OLFM3: variants seen among roughly 807,000 people sequenced by gnomAD.
OLFM3 encodes the protein olfactomedin 3.
In OLFM3, 20 loss-of-function variants were observed where a neutral mutation model predicts 48.6. The observed-to-expected ratio is 0.41, with a 90% CI of 0.29 to 0.60. The LOEUF (loss-of-function observed/expected upper bound fraction) is 0.60, where lower values mean the gene tolerates loss of function less well. Ranked by LOEUF, OLFM3 falls within the 20% of genes least tolerant of loss-of-function variation. The pLI is 0.28. For missense variants in OLFM3, 437 were observed against 544.3 expected, an observed-to-expected ratio of 0.80 and a Z score of 1.96; for synonymous variants, 222 against 198.1, an observed-to-expected ratio of 1.12 and a Z score of -1.01.
At chr1:101,811,494 AAAAC>A (rs1654047820) in intron 4 of OLFM3, among the ~76,000 whole-genome samples, 2 of 152,190 alleles carry the variant, frequency 1.3e-5, no homozygotes, top group African/African-American at 2.4e-5. Context: ...TTTACAAGAA[AAAAC>A]AAACAACCCG....
intron 2 of OLFM3, among the ~76,000 whole-genome samples, chr1:101,833,670 G>A (rs1655270761): frequency 6.6e-6 from 1 of 151,742 alleles, no homozygotes; most frequent in Non-Finnish European, 1.5e-5. Flanking sequence ...GATATCTGGG[G>A]CTTTTCTGGA....
At chr1:101,851,139 T>TG (rs1020775924) in intron 1 of OLFM3, among the ~76,000 whole-genome samples, 1 of 152,120 alleles carries the variant, frequency 6.6e-6, no homozygotes, top group African/African-American at 2.4e-5. Flanking sequence ...ATACCCTGGA[T>TG]GGGGTGTGGT....
intron 1 of OLFM3, among the ~76,000 whole-genome samples, chr1:101,867,778 G>A (rs369797739): frequency 6.6e-6 from 1 of 152,280 alleles, no homozygotes; most frequent in African/African-American, 2.4e-5. Context: ...GTCAGCATGA[G>A]GGTTATGCTA....
chr1:101,892,206 C>G (rs1310030827), intron 1 of OLFM3, among the ~76,000 whole-genome samples: 2 of 151,802 alleles, frequency 1.3e-5, no homozygotes, highest in African/African-American at 2.4e-5. Flanking sequence ...GTGTGCCAAG[C>G]AAGAGATGTA....
chr1:101,949,838 G>C (rs572483634), intron 1 of OLFM3, among the ~76,000 whole-genome samples: 2 of 151,164 alleles, frequency 1.3e-5, no homozygotes, highest in South Asian at 4.2e-4. Flanking sequence ...GCTGAGGCAC[G>C]AGAATGGCGT....
intron 1 of OLFM3, among the ~76,000 whole-genome samples, chr1:101,941,159 G>A (rs1368345699): frequency 6.6e-6 from 1 of 152,150 alleles, no homozygotes; most frequent in Non-Finnish European, 1.5e-5. Flanking sequence ...AGGTCCCCAA[G>A]GTTTGACGGA....
chr1:101,849,702 A>G (rs774198724), intron 1 of OLFM3, among the ~76,000 whole-genome samples: 3 of 152,194 alleles, frequency 2.0e-5, no homozygotes, highest in Non-Finnish European at 4.4e-5. Flanking sequence ...ATAAACTGTC[A>G]GTGAGGTTCA....
intron 1 of OLFM3, among the ~76,000 whole-genome samples, chr1:101,973,108 T>A (rs1660854264): frequency 6.6e-6 from 1 of 152,234 alleles, no homozygotes; most frequent in African/African-American, 2.4e-5. Flanking sequence ...AACCAATAGG[T>A]ATATATAGAT....
In OLFM3 at chr1:101,843,940, T is replaced by C. The variant is rs555815582; in HGVS notation, c.70-6915A>G. Among the ~76,000 whole-genome samples, 5 of 152,208 alleles carry C rather than the reference T, an allele frequency of 3.3e-5. No homozygotes were observed. The South Asian group carries it at 1.0e-3, about 32-fold the overall frequency. On this transcript the variant is annotated intron_variant, in intron 1 of 5. Transcript: ENST00000370103. ...CCTGCGTGTGCGTGTGCGTGTGGTA[T>C]ATTGCAAACTCATCCCATTCATACT... is the stretch of plus-strand genomic sequence containing the variant.
chr1:101,870,342 G>C (rs530077374), intron 1 of OLFM3, among the ~76,000 whole-genome samples: 37 of 152,092 alleles, frequency 2.4e-4, no homozygotes, highest in African/African-American at 8.7e-4. Flanking sequence ...AATGTTCCCA[G>C]ACAGTTTTAG....
chr1:101,961,167 A>G (rs1660456235), intron 1 of OLFM3, among the ~76,000 whole-genome samples: 2 of 152,102 alleles, frequency 1.3e-5, no homozygotes, highest in Admixed American at 1.3e-4. Context: ...TCAGAAGTAT[A>G]TTTTTAGAGG....
intron 1 of OLFM3, among the ~76,000 whole-genome samples, chr1:101,924,784 A>ATT (rs1659215020): frequency 6.6e-6 from 1 of 152,188 alleles, no homozygotes; most frequent in Non-Finnish European, 1.5e-5. Context: ...CTCCAATCAG[A>ATT]TCAAAGCTCT....
chr1:101,840,123 C>T (rs1242077558), intron 1 of OLFM3, among the ~76,000 whole-genome samples: 1 of 151,864 alleles, frequency 6.6e-6, no homozygotes, highest in Non-Finnish European at 1.5e-5. Context: ...ACTAAGATCT[C>T]GGATGGAAGG....
chr1:101,994,009 C>T (rs1381857496), intron 1 of OLFM3, among the ~76,000 whole-genome samples: 1 of 150,504 alleles, frequency 6.6e-6, no homozygotes, highest in East Asian at 1.9e-4. Flanking sequence ...TATAGTCTTC[C>T]ATGAAATAGA....
Position 101,804,791 on chromosome 1 carries a change from T to C in OLFM3, c.824A>G (p.His275Arg). ...ATAGAGTGAGCCATTGTAGACAACA[T>C]GGTTAGTTCCTGCCCACTTGAAAGG... is the stretch of plus-strand genomic sequence containing the variant. The part of the protein sequence containing the change: ...NLPFKWAGTN[H>R]VVYNGSLYFN... The change falls in exon 6 of 6, where the codon CAT becomes CGT. Residue 275 changes from histidine (H) to arginine (R), a missense_variant. His to Arg is a conservative substitution (Grantham distance 29). Transcript: ENST00000370103. This position sits in a 1 kb window ranked among gnomAD's most constrained non-coding sequence, Gnocchi z 4.5. The C allele has an allele frequency of 6.2e-7, 1 of 1,612,686 alleles. No individual in the cohort carries two copies. Among genetic ancestry groups the C allele is most frequent in the Non-Finnish European group, 8.5e-7 (1 of 1,179,110 alleles).
chr1:101,827,107 C>T (rs901701822), intron 3 of OLFM3, among the ~76,000 whole-genome samples: 4 of 152,132 alleles, frequency 2.6e-5, no homozygotes, highest in African/African-American at 9.7e-5. Context: ...TAGCATAGAC[C>T]TGTGTTTGCT....
intron 1 of OLFM3, among the ~76,000 whole-genome samples, chr1:101,916,082 T>A (rs1658915495): frequency 6.6e-6 from 1 of 152,194 alleles, no homozygotes; most frequent in Admixed American, 6.5e-5. Flanking sequence ...AGATCAGGAA[T>A]CTTTGTAATT....
intron 1 of OLFM3, among the ~76,000 whole-genome samples, chr1:101,996,177 G>A (rs976670714): frequency 1.3e-5 from 2 of 152,074 alleles, no homozygotes; most frequent in African/African-American, 4.8e-5. Context: ...TGAAAAGGAA[G>A]AAACAAACAC....
At chr1:101,992,183 G>C (rs1570697243) in intron 1 of OLFM3, among the ~76,000 whole-genome samples, 2 of 152,174 alleles carry the variant, frequency 1.3e-5, no homozygotes, top group Non-Finnish European at 2.9e-5. Flanking sequence ...CCTCCCAACA[G>C]AGCATCAATC....
Sources: allele counts gnomAD v4.1 joint callset (sites outside exome capture counted in the v4.1 genomes callset), GRCh38; gene constraint gnomAD v4.1.1; non-coding constraint Gnocchi (gnomAD v3.1); transcripts MANE v1.5; gene names NCBI Gene and HGNC (gene_info 2026-07-23, HGNC 2026-07-21).